PPP1R27: variants seen among roughly 807,000 people sequenced by gnomAD.
PPP1R27 encodes protein phosphatase 1 regulatory subunit 27, also known as dysferlin interacting protein 1.
Under a neutral mutation model 12.0 loss-of-function variants are expected in PPP1R27, and 10 were observed. The observed-to-expected ratio is 0.84, with a 90% CI of 0.52 to 1.42. The LOEUF is 1.42. Ranked by LOEUF, PPP1R27 falls within the 40% of genes most tolerant of loss-of-function variation. PPP1R27 has a pLI of 0.00. For synonymous variants in PPP1R27, 98 were observed against 89.3 expected, an observed-to-expected ratio of 1.10 and a Z score of -0.55; for missense variants, 246 against 215.3, an observed-to-expected ratio of 1.14 and a Z score of -0.89.
chr17:81,833,603 CG>C lies in PPP1R27; in HGVS notation c.*125del. 1.1e-6 allele frequency: 1 copy of C among 952,016 alleles called. No individual in the cohort carries two copies. The highest frequency in any genetic ancestry group is 1.5e-6 in the Non-Finnish European group (1 of 661,386). The allele number at this position is 952,016 out of a possible 1,614,324, so 59.0% of individuals were successfully genotyped here. On this transcript the variant is annotated 3_prime_UTR_variant, in exon 3 of 3. Coordinates refer to ENST00000330261, the MANE Select transcript of PPP1R27 (RefSeq NM_001007533.4). ...ACAAAGCCAGGCCTAGGAGGGGTGG[CG>C]GGGTCGTGGAGGGACGGGTCCGGCC...
At position 81,834,768 on chromosome 17, in the gene PPP1R27, G is replaced by T. The variant is rs2038592204; in HGVS notation, c.186C>A (p.Pro62=). Residue 62 remains proline (P), a synonymous_variant, in exon 1 of 3, where the codon CCC becomes CCA. Transcript: ENST00000330261. ...TRKVSLATIH[P]SGLAALHEAV... is the part of the protein sequence containing the mutation. ...GCTCTTCCAGGCTTTGCTCACCTGA[G>T]GGGTGGATGGTGGCCAGGGAGACTT... is the stretch of plus-strand genomic sequence containing the variant. 1 of 1,612,194 alleles carries T rather than the reference G, an allele frequency of 6.2e-7. No homozygotes were observed. The highest frequency in any genetic ancestry group is 8.5e-7 in the Non-Finnish European group (1 of 1,178,996).
At position 81,834,925 on chromosome 17, in the gene PPP1R27, C is replaced by T. The variant is rs750635325; in HGVS notation, c.29G>A (p.Arg10His). ...CCGCCGCCGCTGCCGTGGGCTGTAG[C>T]GGGCATAGCGGGCAGTTCTGCTAGG... is the stretch of plus-strand genomic sequence containing the variant. MPSRTARYARYSPRQRRRRM... is the reference protein window; with the variant it reads MPSRTARYAHYSPRQRRRRM... Residue 10 changes from arginine (R) to histidine (H), a missense_variant, in exon 1 of 3, where the codon CGC becomes CAC. Arg to His is a conservative substitution (Grantham distance 29). Transcript: ENST00000330261. 9.3e-6 allele frequency: 15 copies of T among 1,608,988 alleles called. No homozygotes were observed. The highest frequency in any genetic ancestry group is 8.8e-5 in the South Asian group (8 of 90,542).
rs1018966405 is a variant in PPP1R27 at position 81,835,049 on chromosome 17, C to G, written c.-96G>C. Reference sequence around the variant, plus strand: ...ACCAGATCAGCTTGAGGGCTCCTGTCGGACGAGCCCCGGCCTCTGACTTGC... The same window carrying G: ...ACCAGATCAGCTTGAGGGCTCCTGTGGGACGAGCCCCGGCCTCTGACTTGC... On this transcript the variant is annotated 5_prime_UTR_variant, in exon 1 of 3. Coordinates refer to ENST00000330261, the MANE Select transcript of PPP1R27 (RefSeq NM_001007533.4). The G allele has an allele frequency of 2.3e-6, 3 of 1,295,714 alleles. No individual in the cohort carries two copies. The highest frequency in any genetic ancestry group is 1.5e-5 in the South Asian group (1 of 64,804). 80.3% of individuals were successfully genotyped at this position (1,295,714 alleles called of 1,614,324 possible).
chr17:81,833,891 G>A, intron 2 of PPP1R27, 39 bp from the exon 3 acceptor site: 1 of 1,585,200 alleles, frequency 6.3e-7, no homozygotes, highest in Non-Finnish European at 8.6e-7. Flanking sequence ...GCGGGGAGGA[G>A]CCAGGAGAGT....
At position 81,834,729 on chromosome 17, in the gene PPP1R27, A is replaced by G. The variant is rs772378897; in HGVS notation, c.190+35T>C. 13 of 1,609,372 alleles carry G rather than the reference A, an allele frequency of 8.1e-6. No individual in the cohort carries two copies. The African/African-American group carries it at 1.6e-4, about 20-fold the overall frequency. On this transcript the variant is annotated intron_variant, in intron 1 of 2. Coordinates refer to ENST00000330261, the MANE Select transcript of PPP1R27 (RefSeq NM_001007533.4). ...CCTTGCTGGCCTCTCCCACCACCCC[A>G]CAGGCCCTGGCCAGCTCTTCCAGGC... is the stretch of plus-strand genomic sequence containing the variant.
At chr17:81,834,194 C>T (rs1267355091) in intron 2 of PPP1R27, 2 of 458,928 alleles carry the variant, frequency 4.4e-6, no homozygotes, top group Non-Finnish European at 7.8e-6. Flanking sequence ...ACCTCCACTT[C>T]CCGGGTTCAA....
At position 81,834,830 on chromosome 17, in the gene PPP1R27, C is replaced by G. The variant is rs1274091135; in HGVS notation, c.124G>C (p.Asp42His). The change falls in exon 1 of 3, where the codon GAC becomes CAC. Residue 42 changes from aspartate to histidine, a missense_variant. Coordinates refer to ENST00000330261, the MANE Select transcript of PPP1R27 (RefSeq NM_001007533.4). ...VLFLDHIRQG[D>H]LEQVGRFIRT... ...ATGAAGCGCCCCACCTGCTCCAGGT[C>G]ACCCTGCCGGATGTGGTCCAAGAAC... The G allele has an allele frequency of 6.2e-7, 1 of 1,613,774 alleles. No homozygotes were observed. The highest frequency in any genetic ancestry group is 1.3e-5 in the African/African-American group (1 of 75,076).
At position 81,834,941 on chromosome 17, in the gene PPP1R27, T is replaced by G; in HGVS notation, c.13A>C (p.Thr5Pro). The change falls in exon 1 of 3, where the codon ACT (threonine) becomes CCT (proline). Residue 5 changes from threonine to proline, a missense_variant. Transcript: ENST00000330261. MPSRTARYARYSPRQ... is the reference protein window; with the variant it reads MPSRPARYARYSPRQ... Reference sequence around the variant, plus strand: ...GGGCTGTAGCGGGCATAGCGGGCAGTTCTGCTAGGCATCTTGGGCGCTGTG... The same window carrying G: ...GGGCTGTAGCGGGCATAGCGGGCAGGTCTGCTAGGCATCTTGGGCGCTGTG... The G allele has an allele frequency of 6.2e-7, 1 of 1,606,036 alleles. No individual in the cohort carries two copies. Among genetic ancestry groups the G allele is most frequent in the South Asian group, 1.1e-5 (1 of 90,264 alleles).
Position 81,834,782 on chromosome 17 carries a change from C to G in PPP1R27, c.172G>C (p.Ala58Pro), listed in dbSNP as rs2038592495. Residue 58 changes from alanine (A) to proline (P), a missense_variant, in exon 1 of 3, where the codon GCC becomes CCC. Physicochemically the swap from Ala to Pro is conservative, Grantham distance 27. Coordinates refer to ENST00000330261, the MANE Select transcript of PPP1R27 (RefSeq NM_001007533.4). Reference sequence around the variant, plus strand: ...TGCTCACCTGAGGGGTGGATGGTGGCCAGGGAGACTTTCCGAGTCCGGATG... The same window carrying G: ...TGCTCACCTGAGGGGTGGATGGTGGGCAGGGAGACTTTCCGAGTCCGGATG... ...RFIRTRKVSL[A>P]TIHPSGLAAL... The G allele has an allele frequency of 6.2e-7, 1 of 1,612,218 alleles. No homozygotes were observed. The highest frequency in any genetic ancestry group is 8.5e-7 in the Non-Finnish European group (1 of 1,179,178).
In PPP1R27 at chr17:81,834,637, A is replaced by G. The variant is rs779889490; in HGVS notation, c.207T>C (p.His69=). ...CCAGGTTTCCAGAGAGCACGGCTTC[A>G]TGCAAGGCGGCCAGGCCTGGGCAGG... ...TIHPSGLAAL[H]EAVLSGNLEC... Residue 69 remains histidine, a synonymous_variant, in exon 2 of 3, where the codon CAT becomes CAC. Transcript: ENST00000330261. The G allele has an allele frequency of 3.1e-6, 5 of 1,614,116 alleles. No homozygotes were observed. Among genetic ancestry groups the G allele is most frequent in the Non-Finnish European group, 4.2e-6 (5 of 1,180,006 alleles).
chr17:81,834,972 G>C lies in PPP1R27; in HGVS notation c.-19C>G, dbSNP rs2038596793. ...TAGGCATCTTGGGCGCTGTGGGGCA[G>C]GTTGCCCCTGGGGACCCTACTGCAC... On this transcript the variant is annotated 5_prime_UTR_variant, in exon 1 of 3. Transcript: ENST00000330261. 3 of 1,575,600 alleles carry C rather than the reference G, an allele frequency of 1.9e-6. No individual in the cohort carries two copies. The highest frequency in any genetic ancestry group is 2.6e-6 in the Non-Finnish European group (3 of 1,162,642).
Position 81,833,729 on chromosome 17 carries a change from T to A in PPP1R27, c.465A>T (p.Ter155CysextTer71). 6.5e-7 allele frequency: 1 copy of A among 1,548,994 alleles called. No homozygotes were observed. Among genetic ancestry groups the A allele is most frequent in the East Asian group, 2.4e-5 (1 of 40,908 alleles). The change falls in exon 3 of 3, where the codon TGA (stop) becomes TGT (cysteine). Residue 155 changes from the stop codon to cysteine, a stop_lost. Transcript: ENST00000330261. ...GCGGGGGCGGGCGGGCAAAGCTGGC[T>A]CAGTCCATCGTGGTCCCTTTGAAGA... ...VELFKGTTMD* is the reference protein window; with the variant it reads ...VELFKGTTMDC
rs2038598002 is a variant in PPP1R27, at chr17:81,835,037, G to C, written c.-84C>G. The C allele has an allele frequency of 7.3e-7, 1 of 1,373,288 alleles. No individual in the cohort carries two copies. The highest frequency in any genetic ancestry group is 9.6e-7 in the Non-Finnish European group (1 of 1,038,940). 85.1% of individuals were successfully genotyped at this position (1,373,288 alleles called of 1,614,324 possible). A position where few individuals can be genotyped will look rare whatever the true frequency, so the allele number is the denominator to read the frequency against. On this transcript the variant is annotated 5_prime_UTR_variant, in exon 1 of 3. Coordinates refer to ENST00000330261, the MANE Select transcript of PPP1R27 (RefSeq NM_001007533.4). Reference sequence around the variant, plus strand: ...TATCCGGTCCCGACCAGATCAGCTTGAGGGCTCCTGTCGGACGAGCCCCGG... The same window carrying C: ...TATCCGGTCCCGACCAGATCAGCTTCAGGGCTCCTGTCGGACGAGCCCCGG...
chr17:81,833,681 T>C lies in PPP1R27; in HGVS notation c.*48A>G, dbSNP rs1291943993. 1 of 1,532,778 alleles carries C rather than the reference T, an allele frequency of 6.5e-7. No individual in the cohort carries two copies. Among genetic ancestry groups the C allele is most frequent in the African/African-American group, 1.4e-5 (1 of 72,510 alleles). The allele number at this position is 1,532,778 out of a possible 1,614,324, so 94.9% of individuals were successfully genotyped here. ...GCTGGCCCATGGGCGACGCGCGGCT[T>C]CTCCAGGGAGGCGGCCCTGGGCGCG... On this transcript the variant is annotated 3_prime_UTR_variant, in exon 3 of 3. Coordinates refer to ENST00000330261, the MANE Select transcript of PPP1R27 (RefSeq NM_001007533.4).
Position 81,833,684 on chromosome 17 carries a change from C to G in PPP1R27, c.*45G>C. The stretch of plus-strand genomic sequence containing the variant: ...GGCCCATGGGCGACGCGCGGCTTCT[C>G]CAGGGAGGCGGCCCTGGGCGCGGGG... On this transcript the variant is annotated 3_prime_UTR_variant, in exon 3 of 3. Coordinates refer to ENST00000330261, the MANE Select transcript of PPP1R27 (RefSeq NM_001007533.4). 6.5e-7 allele frequency: 1 copy of G among 1,535,546 alleles called. No individual in the cohort carries two copies. Among genetic ancestry groups the G allele is most frequent in the Non-Finnish European group, 8.7e-7 (1 of 1,142,968 alleles).
rs1320046402 is a variant in PPP1R27 at position 81,833,757 on chromosome 17, T to G, written c.437A>C (p.Glu146Ala). The change falls in exon 3 of 3, where the codon GAG (glutamate) becomes GCG (alanine). Residue 146 changes from glutamate to alanine, a missense_variant. Glu to Ala is a moderately radical substitution (Grantham distance 107). Transcript: ENST00000330261. ...LIDPDYKELVELFKGTTMD is the reference protein window; with the variant it reads ...LIDPDYKELVALFKGTTMD The stretch of plus-strand genomic sequence containing the variant: ...GTCCATCGTGGTCCCTTTGAAGAGC[T>G]CCACCAGCTCCTTGTAGTCCGGGTC... The G allele has an allele frequency of 6.4e-7, 1 of 1,552,004 alleles. No individual in the cohort carries two copies. Among genetic ancestry groups the G allele is most frequent in the African/African-American group, 1.4e-5 (1 of 73,106 alleles).
At position 81,834,989 on chromosome 17, in the gene PPP1R27, C is replaced by T. The variant is rs756272222; in HGVS notation, c.-36G>A. 5.2e-6 allele frequency: 8 copies of T among 1,542,332 alleles called. No homozygotes were observed. The African/African-American group carries it at 9.5e-5, about 18-fold the overall frequency. ...GTGGGGCAGGTTGCCCCTGGGGACC[C>T]TACTGCACTGGGGTTAATAATGTAT... is the stretch of plus-strand genomic sequence containing the variant. On this transcript the variant is annotated 5_prime_UTR_variant, in exon 1 of 3. Coordinates refer to ENST00000330261, the MANE Select transcript of PPP1R27 (RefSeq NM_001007533.4).
chr17:81,833,520 C>T lies in PPP1R27; in HGVS notation c.*209G>A, dbSNP rs1224203307. 9 of 559,444 alleles carry T rather than the reference C, an allele frequency of 1.6e-5. No individual in the cohort carries two copies. Among genetic ancestry groups the T allele is most frequent in the Non-Finnish European group, 2.2e-5 (7 of 317,542 alleles). 34.7% of individuals were successfully genotyped at this position (559,444 alleles called of 1,614,324 possible). ...CGTGTGTAGACCCAGGCCCCCTCAC[C>T]TGGGAGTCACGTTTATTGAAAAAGT... On this transcript the variant is annotated 3_prime_UTR_variant, in exon 3 of 3. Coordinates refer to ENST00000330261, the MANE Select transcript of PPP1R27 (RefSeq NM_001007533.4).
rs1452133039 is a variant in PPP1R27, at chr17:81,835,028, G to C, written c.-75C>G. ...TTAATAATGTATCCGGTCCCGACCA[G>C]ATCAGCTTGAGGGCTCCTGTCGGAC... is the stretch of plus-strand genomic sequence containing the variant. On this transcript the variant is annotated 5_prime_UTR_variant, in exon 1 of 3. The change creates a new upstream start codon in the 5' untranslated region. Coordinates refer to ENST00000330261, the MANE Select transcript of PPP1R27 (RefSeq NM_001007533.4). 3 of 1,415,642 alleles carry C rather than the reference G, an allele frequency of 2.1e-6. No homozygotes were observed. Among genetic ancestry groups the C allele is most frequent in the Non-Finnish European group, 1.9e-6 (2 of 1,074,312 alleles). The allele number at this position is 1,415,642 out of a possible 1,614,324, so 87.7% of individuals were successfully genotyped here.
Sources: allele counts gnomAD v4.1 joint callset, GRCh38; gene constraint gnomAD v4.1.1; transcripts MANE v1.5; gene names NCBI Gene and HGNC (gene_info 2026-07-23, HGNC 2026-07-21).